Variants in FSTL4 observed in about 807,000 individuals in gnomAD.
The protein encoded by FSTL4 is follistatin like 4, also known as follistatin-related protein 4.
In FSTL4, 28 loss-of-function variants were observed where a neutral mutation model predicts 78.2. That is an observed-to-expected ratio of 0.36 (90% CI 0.27 to 0.49). The LOEUF is 0.49. Among genes scored for constraint, FSTL4 ranks in the 20% least tolerant of loss-of-function variants. FSTL4 has a pLI of 0.98. For missense variants in FSTL4, 922 were observed against 1,084.9 expected, an observed-to-expected ratio of 0.85 and a Z score of 2.11; for synonymous variants, 422 against 440.5, an observed-to-expected ratio of 0.96 and a Z score of 0.53.
At chr5:133,830,584 C>T in the FSTL4 span, among the ~76,000 whole-genome samples, 1 of 152,214 alleles carries the variant, frequency 6.6e-6, no homozygotes, top group African/African-American at 2.4e-5. Context: ...CTCACAGGCA[C>T]AGAGACCATC....
At chr5:133,463,562 A>G (rs1465511222) in intron 3 of FSTL4, among the ~76,000 whole-genome samples, 1 of 152,228 alleles carries the variant, frequency 6.6e-6, no homozygotes, top group Non-Finnish European at 1.5e-5. Flanking sequence ...GCAAACCCAG[A>G]CAGCAAGGCA....
At chr5:133,597,208 A>G (rs1170999587) in intron 2 of FSTL4, among the ~76,000 whole-genome samples, 1 of 152,186 alleles carries the variant, frequency 6.6e-6, no homozygotes, top group Admixed American at 6.5e-5. Context: ...GCAGAAGGAC[A>G]ATGGCTCTGG....
the FSTL4 span, among the ~76,000 whole-genome samples, chr5:133,770,760 T>C: frequency 1.3e-5 from 2 of 152,224 alleles, no homozygotes; most frequent in African/African-American, 4.8e-5. Context: ...ATTCTTGTTG[T>C]TGTTTTGTTT....
chr5:133,273,024 G>A (rs1419272332), intron 6 of FSTL4, among the ~76,000 whole-genome samples: 1 of 152,234 alleles, frequency 6.6e-6, no homozygotes, highest in East Asian at 1.9e-4. Flanking sequence ...GCCATCAAGG[G>A]CCAGAGTTGC....
the FSTL4 span, among the ~76,000 whole-genome samples, chr5:133,723,782 C>T: frequency 1.6e-4 from 24 of 152,278 alleles, no homozygotes; most frequent in Admixed American, 8.5e-4. Flanking sequence ...TCTGCTATGG[C>T]ACTGGGGAAC....
intron 6 of FSTL4, among the ~76,000 whole-genome samples, chr5:133,299,631 G>T (rs923323236): frequency 6.6e-6 from 1 of 152,120 alleles, no homozygotes; most frequent in Non-Finnish European, 1.5e-5. Flanking sequence ...CATCCAGAGG[G>T]GAAGCCCACT....
At chr5:133,529,097 TG>T (rs972504500) in intron 3 of FSTL4, among the ~76,000 whole-genome samples, 33 of 152,282 alleles carry the variant, frequency 2.2e-4, no homozygotes, top group African/African-American at 7.0e-4. Flanking sequence ...CGAATGGCCA[TG>T]TGGAAGACAG....
At chr5:133,398,369 C>T (rs1255964318) in intron 4 of FSTL4, among the ~76,000 whole-genome samples, 1 of 152,160 alleles carries the variant, frequency 6.6e-6, no homozygotes, top group Admixed American at 6.5e-5. Context: ...GAAAGAGAAG[C>T]CCTGGCTCTA....
chr5:133,818,331 G>T, the FSTL4 span, among the ~76,000 whole-genome samples: 1 of 152,178 alleles, frequency 6.6e-6, no homozygotes, highest in Admixed American at 6.5e-5. Flanking sequence ...CCCCATCACA[G>T]AGCCCAGCTG....
chr5:133,638,698 G>A, the FSTL4 span, among the ~76,000 whole-genome samples: 2 of 152,008 alleles, frequency 1.3e-5, no homozygotes, highest in African/African-American at 2.4e-5. Context: ...CTGTCTTTCA[G>A]CATACTCTAT....
chr5:133,475,383 A>G (rs981821800), intron 3 of FSTL4, among the ~76,000 whole-genome samples: 6 of 152,196 alleles, frequency 3.9e-5, no homozygotes, highest in African/African-American at 1.4e-4. Flanking sequence ...GGGAACGGGG[A>G]GGCCAGGAGG....
At chr5:133,441,772 G>C (rs1157112137) in intron 3 of FSTL4, among the ~76,000 whole-genome samples, 3 of 152,210 alleles carry the variant, frequency 2.0e-5, no homozygotes, top group Non-Finnish European at 4.4e-5. Context: ...AGCAGGGTCG[G>C]CTGACACTGC....
the FSTL4 span, among the ~76,000 whole-genome samples, chr5:133,663,342 G>A: frequency 4.6e-5 from 7 of 152,252 alleles, no homozygotes; most frequent in African/African-American, 1.2e-4. Flanking sequence ...GCCACTGGGG[G>A]AGGTTTCATG....
chr5:133,841,600 T>A, the FSTL4 span, among the ~76,000 whole-genome samples: 16 of 152,156 alleles, frequency 1.1e-4, no homozygotes, highest in East Asian at 2.9e-3. Flanking sequence ...CACTGTGAGG[T>A]AGAGATGGTG....
the FSTL4 span, among the ~76,000 whole-genome samples, chr5:133,765,026 T>C: frequency 6.6e-6 from 1 of 152,258 alleles, no homozygotes; most frequent in Non-Finnish European, 1.5e-5. Flanking sequence ...CCCTATGCTC[T>C]GGAAAAGTTA....
chr5:133,777,315 T>C, the FSTL4 span, among the ~76,000 whole-genome samples: 1 of 152,194 alleles, frequency 6.6e-6, no homozygotes. Context: ...TACAGTATGC[T>C]TATGTAAAAT....
the FSTL4 span, among the ~76,000 whole-genome samples, chr5:133,736,695 G>A: frequency 5.9e-5 from 9 of 152,242 alleles, no homozygotes; most frequent in East Asian, 9.7e-4. Context: ...AGCTGAGGAC[G>A]TACAGCCAAA....
At chr5:133,823,594 C>T in the FSTL4 span, among the ~76,000 whole-genome samples, 3 of 152,218 alleles carry the variant, frequency 2.0e-5, no homozygotes, top group Non-Finnish European at 4.4e-5. Context: ...TATGGTGTCC[C>T]GGACAGAGTG....
intron 4 of FSTL4, among the ~76,000 whole-genome samples, chr5:133,345,410 G>A (rs1754676166): frequency 6.6e-6 from 1 of 152,174 alleles, no homozygotes; most frequent in Admixed American, 6.5e-5. Context: ...TTGCTGTGCA[G>A]AAGCTCTTTA....
Sources: allele counts gnomAD v4.1 joint callset (sites outside exome capture counted in the v4.1 genomes callset), GRCh38; gene constraint gnomAD v4.1.1; transcripts MANE v1.5; gene names NCBI Gene and HGNC (gene_info 2026-07-23, HGNC 2026-07-21).